Variants in EML1 observed in about 807,000 individuals in gnomAD.
EML1 encodes EMAP like 1.
Under a neutral mutation model 110.4 loss-of-function variants are expected in EML1, and 27 were observed. The ratio of observed to expected loss-of-function variants is 0.24; its 90% CI spans 0.18 to 0.34. The LOEUF is 0.34. Among genes scored for constraint, EML1 ranks in the 10% least tolerant of loss-of-function variants. EML1 has a pLI of 1.00. For missense variants in EML1, 741 were observed against 1,030.9 expected (o/e 0.72, Z 3.85); for synonymous variants, 344 against 385.8 (o/e 0.89, Z 1.27).
intron 1 of EML1, among the ~76,000 whole-genome samples, chr14:99,802,589 A>G (rs974152940): frequency 6.6e-6 from 1 of 152,112 alleles, no homozygotes; most frequent in Non-Finnish European, 1.5e-5. Context: ...GCTGACGCCC[A>G]GGTCTCTGAT....
At chr14:99,914,334 C>CACTCTCAT in intron 14 of EML1, 30 bp downstream of exon 14, 1 of 1,596,286 alleles carries the variant, frequency 6.3e-7, no homozygotes, top group South Asian at 1.1e-5. Context: ...GCCCGGCAAA[C>CACTCTCAT]ACTCTCATTT....
intron 1 of EML1, among the ~76,000 whole-genome samples, chr14:99,762,466 T>A (rs943057400): frequency 1.3e-5 from 2 of 152,182 alleles, no homozygotes; most frequent in African/African-American, 4.8e-5. Context: ...TTTGCTTGCT[T>A]GTTTTTAACC....
exon 1 of EML1, chr14:99,773,790 G>C (rs915035699): frequency 6.6e-6 from 1 of 152,248 alleles, no homozygotes; most frequent in Non-Finnish European, 1.5e-5. Context: ...GGTCCTCAGA[G>C]AGCTGGGACC....
chr14:99,918,726 G>A (rs1458593133), intron 16 of EML1, among the ~76,000 whole-genome samples: 2 of 152,024 alleles, frequency 1.3e-5, no homozygotes, highest in Non-Finnish European at 2.9e-5. Flanking sequence ...AAGGCAGGGG[G>A]ATCTCTTAAG....
At chr14:99,834,686 A>G (rs1341921760) in intron 1 of EML1, among the ~76,000 whole-genome samples, 2 of 152,216 alleles carry the variant, frequency 1.3e-5, no homozygotes, top group African/African-American at 4.8e-5. Flanking sequence ...TGCTGGCCTA[A>G]TAGATGAGTT....
At chr14:99,890,941 A>T (rs951323638) in intron 4 of EML1, among the ~76,000 whole-genome samples, 2 of 152,160 alleles carry the variant, frequency 1.3e-5, no homozygotes, top group Non-Finnish European at 2.9e-5. Flanking sequence ...CCTCCCCGAA[A>T]CACTTACTTG....
chr14:99,853,496 CCT>C (rs2058848393), intron 2 of EML1, among the ~76,000 whole-genome samples: 2 of 152,024 alleles, frequency 1.3e-5, no homozygotes, highest in African/African-American at 4.8e-5. Context: ...GGTGCCCACA[CCT>C]CTGTCTGTCT....
intron 4 of EML1, among the ~76,000 whole-genome samples, chr14:99,878,913 G>A (rs1230844515): frequency 6.6e-6 from 1 of 150,970 alleles, no homozygotes; most frequent in Non-Finnish European, 1.5e-5. Context: ...CCTAGAACTG[G>A]GGAAGCCATT....
chr14:99,900,599 A>G (rs1404229470), intron 8 of EML1, among the ~76,000 whole-genome samples: 1 of 152,210 alleles, frequency 6.6e-6, no homozygotes, highest in Non-Finnish European at 1.5e-5. Context: ...ATTCCATTTT[A>G]CTTGTCATTT....
intron 1 of EML1, among the ~76,000 whole-genome samples, chr14:99,753,960 G>T (rs2140177105): frequency 6.6e-6 from 1 of 152,304 alleles, no homozygotes; most frequent in South Asian, 2.1e-4. Flanking sequence ...GCTGCCAGGT[G>T]GCAAAGCCAG....
At chr14:99,785,883 A>G (rs758378487) in intron 1 of EML1, among the ~76,000 whole-genome samples, 30 of 152,200 alleles carry the variant, frequency 2.0e-4, no homozygotes, top group East Asian at 7.7e-4. Context: ...AAACACATCA[A>G]TAGAGATGTG....
chr14:99,910,900 C>T (rs916053449), intron 12 of EML1, among the ~76,000 whole-genome samples: 1 of 152,134 alleles, frequency 6.6e-6, no homozygotes, highest in Non-Finnish European at 1.5e-5. Context: ...GAAAATCCAC[C>T]ATCCCTTTTC....
chr14:99,741,145 T>A (rs564915106), intron 1 of EML1, among the ~76,000 whole-genome samples: 126 of 152,312 alleles, frequency 8.3e-4, no homozygotes, highest in African/African-American at 3.0e-3. Context: ...ACTTAACTTC[T>A]GTGAGCCTCT....
rs897690979 is a variant in EML1 at position 99,900,260 on chromosome 14, C to T, written c.898-669C>T. ...CTGGAGTGCAGTAGTGCAATCTTGG[C>T]TCACTGCAACCTCCACCTCCCGGGT... On this transcript the variant is annotated intron_variant, in intron 8 of 21. Coordinates refer to ENST00000262233, the MANE Select transcript of EML1 (RefSeq NM_004434.3). Among the ~76,000 whole-genome samples the T allele has an allele frequency of 2.8e-5, 4 of 143,224 alleles. No homozygotes were observed. The South Asian group carries it at 8.7e-4, about 31-fold the overall frequency. 94.0% of individuals were successfully genotyped at this position (143,224 alleles called of 152,430 possible). A position where few individuals can be genotyped will look rare whatever the true frequency, so the allele number is the denominator to read the frequency against.
At chr14:99,804,858 C>T (rs1465147040) in intron 1 of EML1, among the ~76,000 whole-genome samples, 1 of 152,178 alleles carries the variant, frequency 6.6e-6, no homozygotes, top group African/African-American at 2.4e-5. Flanking sequence ...CCCGGAAGTT[C>T]CCCATGACTC....
upstream of EML1, among the ~76,000 whole-genome samples, chr14:99,772,628 G>A (rs151030133): frequency 5.3e-5 from 8 of 152,284 alleles, no homozygotes; most frequent in East Asian, 1.3e-3. Context: ...TTTGTATAGC[G>A]TTTGTGTTGT....
At chr14:99,746,229 G>A (rs9324013) in intron 1 of EML1, among the ~76,000 whole-genome samples, 79,621 of 152,128 alleles carry the variant, frequency 0.52, 23,519 homozygotes, top group Middle Eastern at 0.69. Context: ...AGACAGGTGC[G>A]CTGTCCCCAA....
At chr14:99,893,713 G>C (rs888252597) in intron 5 of EML1, among the ~76,000 whole-genome samples, 1 of 152,154 alleles carries the variant, frequency 6.6e-6, no homozygotes, top group Non-Finnish European at 1.5e-5. Context: ...GGTATCCCTG[G>C]TTCCAACTGC....
intron 1 of EML1, among the ~76,000 whole-genome samples, chr14:99,796,185 T>TGAGA (rs2057767574): frequency 3.0e-5 from 2 of 67,246 alleles, no homozygotes; most frequent in African/African-American, 1.2e-4. Flanking sequence ...AGACCCTGTC[T>TGAGA]CAGAGAGAGA....
Sources: gnomAD v4.1 joint callset for allele counts (sites outside exome capture counted in the v4.1 genomes callset) on GRCh38, gnomAD v4.1.1 for gene constraint, MANE v1.5 for transcripts, NCBI Gene and HGNC (gene_info 2026-07-23, HGNC 2026-07-21) for gene names.